The following RIMBP2 variants were observed in gnomAD, a reference collection of about 807,000 sequenced individuals.
RIMBP2 encodes the protein RIMS-binding protein 2.
In RIMBP2, 48 loss-of-function variants were observed where a neutral mutation model predicts 118.6. The ratio of observed to expected loss-of-function variants is 0.40; its 90% CI spans 0.32 to 0.51. The LOEUF is 0.51. RIMBP2 is among the 20% of genes least tolerant of loss of function. The probability of loss-of-function intolerance (pLI) is 0.41; values close to 1 mark genes in which losing one functional copy is unlikely to be tolerated. For missense variants in RIMBP2, 1,551 were observed against 1,768.3 expected (o/e 0.88, Z 2.20); for synonymous variants, 762 against 742.9 (o/e 1.03, Z -0.42).
In RIMBP2 at chr12:130,424,764, T is replaced by C; in HGVS notation, c.2507A>G (p.Glu836Gly). The change falls in exon 16 of 23, where the codon GAA (glutamate) becomes GGA (glycine). Residue 836 changes from glutamate to glycine, a missense_variant. Transcript: ENST00000690449. The surrounding 1 kb of genome is among the most constrained non-coding windows in gnomAD (Gnocchi z 9.8). ...GCACTCTCCGTCCTCTTCCGCTACTTCGGGGATACTGAAAAGTCTCTTCCT... is the reference window on the plus strand; with the variant it reads ...GCACTCTCCGTCCTCTTCCGCTACTCCGGGGATACTGAAAAGTCTCTTCCT... ...PHRKRLFSIP[E>G]VAEEDGECCG... The C allele has an allele frequency of 1.6e-6, 2 of 1,232,602 alleles. No homozygotes were observed. The highest frequency in any genetic ancestry group is 2.0e-6 in the Non-Finnish European group (2 of 988,382). 76.4% of individuals were successfully genotyped at this position (1,232,602 alleles called of 1,614,324 possible).
intron 2 of RIMBP2, among the ~76,000 whole-genome samples, chr12:130,540,691 T>G (rs568320044): frequency 1.3e-5 from 2 of 152,290 alleles, no homozygotes; most frequent in South Asian, 4.1e-4. Flanking sequence ...CTTCCTGTTA[T>G]GTAAACCCCT....
Position 130,451,183 on chromosome 12 carries a change from G to A in RIMBP2, c.504+12C>T. ...CAGGCAGCCCCGGCAGCCCCTGCGG[G>A]ACGGGACTCACGTCTGACTCAGATC... is the stretch of plus-strand genomic sequence containing the variant. On this transcript the variant is annotated intron_variant, in intron 8 of 22. Coordinates refer to ENST00000690449, the MANE Select transcript of RIMBP2 (RefSeq NM_001393629.1). 1 of 1,612,144 alleles carries A rather than the reference G, an allele frequency of 6.2e-7. No homozygotes were observed. The highest frequency in any genetic ancestry group is 8.5e-7 in the Non-Finnish European group (1 of 1,178,834).
At chr12:130,641,301 T>G (rs2062608193) in intron 1 of RIMBP2, among the ~76,000 whole-genome samples, 1 of 151,872 alleles carries the variant, frequency 6.6e-6, no homozygotes, top group African/African-American at 2.4e-5. Context: ...TCATGGTGAC[T>G]GCCGGACACT....
At chr12:130,526,098 G>A (rs900982463) in intron 2 of RIMBP2, among the ~76,000 whole-genome samples, 1 of 152,118 alleles carries the variant, frequency 6.6e-6, no homozygotes, top group Non-Finnish European at 1.5e-5. Context: ...GTTGGCAGGG[G>A]TGGGGGGTTC....
intron 6 of RIMBP2, 63 bp from the exon 7 acceptor site, chr12:130,456,763 C>G (rs1201365431): frequency 7.8e-7 from 1 of 1,283,170 alleles, no homozygotes; most frequent in Non-Finnish European, 1.1e-6. Context: ...TGTGTGTGCG[C>G]CTGTTCACAT....
At chr12:130,655,770 T>C (rs1273483765) in intron 1 of RIMBP2, among the ~76,000 whole-genome samples, 1 of 152,210 alleles carries the variant, frequency 6.6e-6, no homozygotes, top group East Asian at 1.9e-4. Flanking sequence ...CTCCTCGAAT[T>C]TGCCCTTGTT....
chr12:130,519,641 C>T (rs2051865909), intron 2 of RIMBP2, among the ~76,000 whole-genome samples: 3 of 152,170 alleles, frequency 2.0e-5, no homozygotes, highest in Admixed American at 1.3e-4. Context: ...GATGGGTGTA[C>T]TAATCAAAAT....
intron 2 of RIMBP2, among the ~76,000 whole-genome samples, chr12:130,591,224 G>A (rs2059237043): frequency 1.3e-5 from 2 of 152,186 alleles, no homozygotes; most frequent in South Asian, 4.1e-4. Context: ...CCCAGCACAT[G>A]GCTGGAACGT....
intron 21 of RIMBP2, among the ~76,000 whole-genome samples, chr12:130,404,314 T>C (rs73457110): frequency 0.025 from 3,863 of 152,302 alleles, 159 homozygotes; most frequent in African/African-American, 0.088. Context: ...TTTTGTTTGT[T>C]TTTGAGACGG....
Position 130,532,713 on chromosome 12 carries a change from G to A in RIMBP2, c.-216-14796C>T, listed in dbSNP as rs529921928. Among the ~76,000 whole-genome samples, 65 of 122,498 alleles carry A rather than the reference G, an allele frequency of 5.3e-4. 1 individual carries two copies. Among genetic ancestry groups the A allele is most frequent in the African/African-American group, 1.5e-3 (52 of 35,296 alleles). 80.4% of individuals were successfully genotyped at this position (122,498 alleles called of 152,430 possible). On this transcript the variant is annotated intron_variant, in intron 2 of 22. Transcript: ENST00000690449. ...CGTGTGTTCAGCCTCTAGGAGTTAC[G>A]TCTAATGAGATGTGTGTGTTCAGCC...
chr12:130,580,175 G>A (rs919822985), intron 2 of RIMBP2, among the ~76,000 whole-genome samples: 12 of 150,114 alleles, frequency 8.0e-5, no homozygotes, highest in Middle Eastern at 3.4e-3. Context: ...TCCAGCCTGG[G>A]TGACAGAGCA....
intron 7 of RIMBP2, among the ~76,000 whole-genome samples, chr12:130,453,381 T>C (rs895658844): frequency 1.3e-5 from 2 of 152,260 alleles, no homozygotes; most frequent in African/African-American, 4.8e-5. Flanking sequence ...ACCCCTTCTC[T>C]GTCTTGCGGC....
At position 130,629,622 on chromosome 12, in the gene RIMBP2, T is replaced by C. The variant is rs189070536; in HGVS notation, c.-351-1166A>G. Among the ~76,000 whole-genome samples, 284 of 152,256 alleles carry C rather than the reference T, an allele frequency of 1.9e-3. 1 individual carries two copies. Among genetic ancestry groups the C allele is most frequent in the African/African-American group, 6.3e-3 (262 of 41,550 alleles). ...AAACAGAAATTAGACAGTCCACCTGTGGATACCCCTCCCCAGATCCAATGC... is the reference window on the plus strand; with the variant it reads ...AAACAGAAATTAGACAGTCCACCTGCGGATACCCCTCCCCAGATCCAATGC... On this transcript the variant is annotated intron_variant, in intron 1 of 22. Coordinates refer to ENST00000690449, the MANE Select transcript of RIMBP2 (RefSeq NM_001393629.1).
At chr12:130,438,821 G>A (rs2077754590) in intron 11 of RIMBP2, among the ~76,000 whole-genome samples, 1 of 152,086 alleles carries the variant, frequency 6.6e-6, no homozygotes, top group Admixed American at 6.5e-5. Context: ...CTCAGTCTCT[G>A]TGACCCGGCA....
intron 2 of RIMBP2, among the ~76,000 whole-genome samples, chr12:130,584,653 C>CTTA (rs2058750511): frequency 1.1e-5 from 1 of 91,632 alleles, no homozygotes; most frequent in African/African-American, 6.4e-5. Flanking sequence ...TCACCATCAC[C>CTTA]TCATCACAAC....
intron 2 of RIMBP2, among the ~76,000 whole-genome samples, chr12:130,553,926 T>C (rs1364552792): frequency 2.0e-5 from 3 of 152,150 alleles, no homozygotes; most frequent in Non-Finnish European, 2.9e-5. Flanking sequence ...AGAGAAGGTA[T>C]TGGAATTAAG....
intron 2 of RIMBP2, among the ~76,000 whole-genome samples, chr12:130,551,577 G>C (rs1277128531): frequency 1.3e-5 from 2 of 150,900 alleles, no homozygotes; most frequent in Non-Finnish European, 2.9e-5. Flanking sequence ...TTATTGCTTT[G>C]GCAAGGGCTG....
intron 1 of RIMBP2, among the ~76,000 whole-genome samples, chr12:130,637,565 G>C (rs2062407882): frequency 6.6e-6 from 1 of 152,162 alleles, no homozygotes; most frequent in Non-Finnish European, 1.5e-5. Context: ...TAGAACCAAA[G>C]CTTCAGGCCA....
intron 1 of RIMBP2, among the ~76,000 whole-genome samples, chr12:130,641,037 C>A (rs1172012863): frequency 6.6e-6 from 1 of 152,214 alleles, no homozygotes; most frequent in Non-Finnish European, 1.5e-5. Context: ...GCACTCAGCG[C>A]TGTTTCTGTG....
Sources: gnomAD v4.1 joint callset for allele counts (sites outside exome capture counted in the v4.1 genomes callset) on GRCh38, gnomAD v4.1.1 for gene constraint, Gnocchi (gnomAD v3.1) non-coding constraint, MANE v1.5 for transcripts, NCBI Gene and HGNC (gene_info 2026-07-23, HGNC 2026-07-21) for gene names.